The following UVRAG variants were observed in gnomAD, a reference collection of about 807,000 sequenced individuals.
The protein encoded by UVRAG is UV radiation resistance-associated gene protein.
In UVRAG, 19 loss-of-function variants were observed where a neutral mutation model predicts 78.0. The ratio of observed to expected loss-of-function variants is 0.24; its 90% CI spans 0.17 to 0.36. The LOEUF is 0.36. UVRAG is among the 10% of genes least tolerant of loss of function. The pLI, the probability that UVRAG is intolerant of heterozygous loss-of-function variation, is 1.00. For missense variants in UVRAG, 740 were observed against 853.8 expected (o/e 0.87, Z 1.66); for synonymous variants, 323 against 324.6 (o/e 1.00, Z 0.05).
At chr11:75,994,209 T>G (rs1213955692) in intron 8 of UVRAG, among the ~76,000 whole-genome samples, 1 of 152,188 alleles carries the variant, frequency 6.6e-6, no homozygotes, top group Non-Finnish European at 1.5e-5. Flanking sequence ...TCTCCAAACT[T>G]TGTGGGAAGA....
intron 4 of UVRAG, among the ~76,000 whole-genome samples, chr11:75,883,167 C>A (rs531119436): frequency 5.9e-5 from 9 of 151,996 alleles, no homozygotes; most frequent in African/African-American, 2.2e-4. Flanking sequence ...TGCTTCTTAA[C>A]GTTCTGGTTG....
chr11:75,978,104 A>T (rs1031216192), intron 7 of UVRAG, among the ~76,000 whole-genome samples: 2 of 151,998 alleles, frequency 1.3e-5, no homozygotes, highest in African/African-American at 4.8e-5. Context: ...TCTGTAAAGG[A>T]TTTTATTTCT....
At chr11:76,093,280 G>A (rs1262835524) in intron 13 of UVRAG, among the ~76,000 whole-genome samples, 1 of 152,208 alleles carries the variant, frequency 6.6e-6, no homozygotes, top group African/African-American at 2.4e-5. Flanking sequence ...GTAGTTTGGA[G>A]TCAGGTAGCG....
rs146427743 is a variant in UVRAG, at chr11:75,911,475, TG to T, written c.508-476del. ...GCCATCATCTGGAGCTCTCTCGTTG[TG>T]GGTGTGATCCTTGTCATCTTCTGTC... On this transcript the variant is annotated intron_variant, in intron 5 of 14. Coordinates refer to ENST00000356136, the MANE Select transcript of UVRAG (RefSeq NM_003369.4). 4.7e-3 allele frequency: 825 copies of T among 174,148 alleles called. 11 individuals are homozygous for T. The highest frequency in any genetic ancestry group is 0.018 in the African/African-American group (781 of 42,300). 10.8% of individuals were successfully genotyped at this position (174,148 alleles called of 1,614,324 possible). A position where few individuals can be genotyped will look rare whatever the true frequency, so the allele number is the denominator to read the frequency against.
chr11:76,086,019 T>C (rs1469565757), intron 13 of UVRAG, among the ~76,000 whole-genome samples: 1 of 152,166 alleles, frequency 6.6e-6, no homozygotes, highest in Non-Finnish European at 1.5e-5. Flanking sequence ...CCCAGTTCCA[T>C]AGTATGCAAA....
At chr11:76,133,994 C>T (rs1293057887) in intron 14 of UVRAG, among the ~76,000 whole-genome samples, 4 of 144,942 alleles carry the variant, frequency 2.8e-5, no homozygotes, top group Non-Finnish European at 4.5e-5. Flanking sequence ...CACTCTGTTG[C>T]CCAGGCTGGA....
intron 14 of UVRAG, among the ~76,000 whole-genome samples, chr11:76,135,112 C>A (rs1952578053): frequency 6.6e-6 from 1 of 152,094 alleles, no homozygotes; most frequent in Admixed American, 6.5e-5. Flanking sequence ...ATCCCCACCC[C>A]CAAATCCATA....
At chr11:76,092,181 G>T (rs781721870) in intron 13 of UVRAG, among the ~76,000 whole-genome samples, 61 of 152,022 alleles carry the variant, frequency 4.0e-4, no homozygotes, top group Non-Finnish European at 7.8e-4. Context: ...CCTTTTTTAT[G>T]GCTGCATAGT....
chr11:76,042,309 C>T (rs1337582369), intron 12 of UVRAG, among the ~76,000 whole-genome samples: 2 of 152,062 alleles, frequency 1.3e-5, no homozygotes, highest in South Asian at 2.1e-4. Context: ...CAGAATGGTA[C>T]GTATGGTTCA....
chr11:75,933,449 A>G (rs972781204), intron 6 of UVRAG, among the ~76,000 whole-genome samples: 1 of 152,246 alleles, frequency 6.6e-6, no homozygotes, highest in African/African-American at 2.4e-5. Flanking sequence ...GGAGTGGGCA[A>G]CAGTTTTTTG....
At chr11:75,882,544 A>T (rs1946975454) in intron 4 of UVRAG, among the ~76,000 whole-genome samples, 1 of 151,802 alleles carries the variant, frequency 6.6e-6, no homozygotes, top group South Asian at 2.1e-4. Flanking sequence ...TTGAAAATCT[A>T]AAAAAAACTA....
At chr11:75,973,798 A>G (rs1949174168) in intron 7 of UVRAG, among the ~76,000 whole-genome samples, 1 of 152,140 alleles carries the variant, frequency 6.6e-6, no homozygotes, top group Non-Finnish European at 1.5e-5. Flanking sequence ...GTGAGTGAGA[A>G]TGAGGTGTTT....
intron 13 of UVRAG, among the ~76,000 whole-genome samples, chr11:76,093,229 G>A (rs559885125): frequency 2.6e-5 from 4 of 152,074 alleles, no homozygotes; most frequent in Non-Finnish European, 2.9e-5. Flanking sequence ...TGCTGTTTTG[G>A]TACCAGTACC....
chr11:76,121,814 C>T (rs2134478942), intron 14 of UVRAG, among the ~76,000 whole-genome samples: 1 of 152,348 alleles, frequency 6.6e-6, no homozygotes, highest in South Asian at 2.1e-4. Context: ...CTTCAAGACC[C>T]AGCTCATATC....
At chr11:76,008,220 AT>A (rs1310945628) in intron 10 of UVRAG, among the ~76,000 whole-genome samples, 2 of 152,006 alleles carry the variant, frequency 1.3e-5, no homozygotes, top group Non-Finnish European at 2.9e-5. Flanking sequence ...CATTATCACC[AT>A]TTCTGACATA....
rs759965892 is a variant in UVRAG, at chr11:76,065,755, T to C, written c.1272T>C (p.Tyr424=). The change falls in exon 13 of 15, where the codon TAT becomes TAC. Residue 424 remains tyrosine, a synonymous_variant. Coordinates refer to ENST00000356136, the MANE Select transcript of UVRAG (RefSeq NM_003369.4). ...PKGGEKLQFD[Y]GVYLLNKNIA... ...GAGGGGAGAAGTTGCAGTTTGATTATGGTGTCTATCTTCTGAACAAAAATA... is the reference window on the plus strand; with the variant it reads ...GAGGGGAGAAGTTGCAGTTTGATTACGGTGTCTATCTTCTGAACAAAAATA... The C allele has an allele frequency of 1.7e-5, 28 of 1,613,892 alleles. No individual in the cohort carries two copies. Among genetic ancestry groups the C allele is most frequent in the Admixed American group, 3.3e-5 (2 of 60,014 alleles).
chr11:75,912,756 A>G (rs1475501613), intron 6 of UVRAG, among the ~76,000 whole-genome samples: 1 of 152,256 alleles, frequency 6.6e-6, no homozygotes, highest in Non-Finnish European at 1.5e-5. Flanking sequence ...ATTTCAGAAC[A>G]TTAGACATCC....
At chr11:75,977,507 A>C (rs1321626699) in intron 7 of UVRAG, among the ~76,000 whole-genome samples, 2 of 152,090 alleles carry the variant, frequency 1.3e-5, no homozygotes, top group African/African-American at 4.8e-5. Context: ...TGGGACTCTA[A>C]GTCTCTTTGT....
intron 7 of UVRAG, among the ~76,000 whole-genome samples, chr11:75,977,244 T>C (rs1041121670): frequency 4.6e-5 from 7 of 152,254 alleles, no homozygotes; most frequent in African/African-American, 1.4e-4. Context: ...CAGTTTGTTA[T>C]AATTTCTGTT....
Sources: allele counts gnomAD v4.1 joint callset (sites outside exome capture counted in the v4.1 genomes callset), GRCh38; gene constraint gnomAD v4.1.1; transcripts MANE v1.5; gene names NCBI Gene and HGNC (gene_info 2026-07-23, HGNC 2026-07-21).